RBMS3: variants seen among roughly 807,000 people sequenced by gnomAD.
RBMS3 encodes the protein RNA-binding motif, single-stranded-interacting protein 3.
Under a neutral mutation model 66.8 loss-of-function variants are expected in RBMS3, and 27 were observed. The ratio of observed to expected loss-of-function variants is 0.40; its 90% CI spans 0.30 to 0.56. RBMS3 has a LOEUF of 0.56. RBMS3 is among the 20% of genes least tolerant of loss of function. RBMS3 has a pLI of 0.40. For synonymous variants in RBMS3, 188 were observed against 183.0 expected, an observed-to-expected ratio of 1.03 and a Z score of -0.22; for missense variants, 513 against 549.5, an observed-to-expected ratio of 0.93 and a Z score of 0.66.
intron 1 of RBMS3, among the ~76,000 whole-genome samples, chr3:29,307,493 A>G (rs1304251585): frequency 6.6e-6 from 1 of 151,824 alleles, no homozygotes; most frequent in Non-Finnish European, 1.5e-5. Context: ...TCTAGAGGTC[A>G]GGATTATGTG....
intron 4 of RBMS3, among the ~76,000 whole-genome samples, chr3:29,707,750 C>A (rs2052973218): frequency 6.6e-6 from 1 of 152,170 alleles, no homozygotes; most frequent in South Asian, 2.1e-4. Flanking sequence ...GGGACAATTT[C>A]TTACTGCGTT....
chr3:29,511,107 C>G (rs1260664545), intron 3 of RBMS3, among the ~76,000 whole-genome samples: 2 of 152,074 alleles, frequency 1.3e-5, no homozygotes, highest in African/African-American at 4.8e-5. Context: ...GACCTATTGG[C>G]TAACATGGTG....
chr3:29,603,533 A>G (rs895802909), intron 4 of RBMS3, among the ~76,000 whole-genome samples: 1 of 151,940 alleles, frequency 6.6e-6, no homozygotes, highest in Non-Finnish European at 1.5e-5. Context: ...GAAAATTAAT[A>G]TTGGCATCCA....
chr3:29,502,452 A>G (rs1206145465), intron 3 of RBMS3, among the ~76,000 whole-genome samples: 1 of 152,080 alleles, frequency 6.6e-6, no homozygotes, highest in Non-Finnish European at 1.5e-5. Flanking sequence ...ACAATTAGAC[A>G]CAAGCACAAT....
intron 1 of RBMS3, among the ~76,000 whole-genome samples, chr3:29,337,551 C>T (rs1057467690): frequency 6.6e-6 from 1 of 151,776 alleles, no homozygotes; most frequent in South Asian, 2.1e-4. Flanking sequence ...GAGGCTGAGG[C>T]AAGAGGATTG....
intron 6 of RBMS3, among the ~76,000 whole-genome samples, chr3:29,801,904 G>A (rs576648812): frequency 6.6e-6 from 1 of 152,214 alleles, no homozygotes; most frequent in Admixed American, 6.5e-5. Context: ...ATATTTTGGG[G>A]TTGTTGTGAG....
intron 4 of RBMS3, among the ~76,000 whole-genome samples, chr3:29,664,556 G>GT (rs1043768823): frequency 1.3e-5 from 2 of 151,824 alleles, no homozygotes; most frequent in African/African-American, 4.8e-5. Context: ...TGAAGCAATG[G>GT]TTTTTTATAA....
intron 4 of RBMS3, among the ~76,000 whole-genome samples, chr3:29,735,223 C>T (rs2054324509): frequency 6.6e-6 from 1 of 152,106 alleles, no homozygotes; most frequent in African/African-American, 2.4e-5. Flanking sequence ...TTGTCTTAAA[C>T]TGCTCAAAAG....
chr3:29,516,414 C>A (rs770206621), intron 3 of RBMS3, among the ~76,000 whole-genome samples: 5 of 151,956 alleles, frequency 3.3e-5, no homozygotes, highest in Admixed American at 1.3e-4. Flanking sequence ...TGGCATAAAG[C>A]CTGAAGACTA....
intron 3 of RBMS3, among the ~76,000 whole-genome samples, chr3:29,554,613 A>G (rs1015240414): frequency 2.0e-5 from 3 of 152,230 alleles, no homozygotes; most frequent in Non-Finnish European, 2.9e-5. Context: ...AAAAGACTTC[A>G]TAGAGGAGGA....
At chr3:29,951,564 T>A (rs1015695269) in intron 12 of RBMS3, among the ~76,000 whole-genome samples, 1 of 151,722 alleles carries the variant, frequency 6.6e-6, no homozygotes, top group African/African-American at 2.4e-5. Flanking sequence ...AGGGCGTGAC[T>A]CATGATCGAT....
chr3:29,734,370 C>A (rs553890301), intron 4 of RBMS3, among the ~76,000 whole-genome samples: 3 of 152,034 alleles, frequency 2.0e-5, no homozygotes, highest in African/African-American at 7.2e-5. Flanking sequence ...TAATTTATTG[C>A]ATATTTTTAA....
chr3:29,473,364 T>A (rs1051201337), intron 2 of RBMS3, among the ~76,000 whole-genome samples: 1 of 152,248 alleles, frequency 6.6e-6, no homozygotes, highest in South Asian at 2.1e-4. Flanking sequence ...AGAGTATCGA[T>A]TGGTGCATTC....
intron 4 of RBMS3, among the ~76,000 whole-genome samples, chr3:29,654,714 T>C (rs116229822): frequency 0.014 from 2,071 of 151,542 alleles, 47 homozygotes; most frequent in African/African-American, 0.048. Context: ...CCTCAGCCAC[T>C]AGAGTAGCTG....
chr3:29,966,448 A>C (rs2149748725), intron 12 of RBMS3, among the ~76,000 whole-genome samples: 1 of 152,132 alleles, frequency 6.6e-6, no homozygotes, highest in East Asian at 1.9e-4. Context: ...TATATTCCTA[A>C]GTATTTTTTT....
intron 1 of RBMS3, among the ~76,000 whole-genome samples, chr3:29,376,213 G>A (rs2038456276): frequency 6.9e-6 from 1 of 144,152 alleles, no homozygotes; most frequent in Admixed American, 7.0e-5. Context: ...TGGGAGGAGG[G>A]AGAGCATCAG....
intron 1 of RBMS3, 53 bp downstream of exon 1, chr3:29,281,809 G>A (rs551603619): frequency 1.9e-5 from 28 of 1,460,900 alleles, no homozygotes; most frequent in Non-Finnish European, 1.2e-5. Context: ...CTGCACTTGG[G>A]ATGGGAAACA....
At chr3:29,847,695 G>T (rs538760939) in intron 6 of RBMS3, among the ~76,000 whole-genome samples, 2 of 149,924 alleles carry the variant, frequency 1.3e-5, no homozygotes, top group East Asian at 3.9e-4. Context: ...TCCCTCTGTC[G>T]CCCAGGCTGG....
rs555802705 is a variant in RBMS3, at chr3:29,330,999, A to T, written c.75+49243A>T. Among the ~76,000 whole-genome samples the T allele has an allele frequency of 2.0e-5, 3 of 152,132 alleles. No individual in the cohort carries two copies. In the East Asian group the frequency reaches 5.8e-4, roughly 29 times the overall value. On this transcript the variant is annotated intron_variant, in intron 1 of 14. Coordinates refer to ENST00000383767, the MANE Select transcript of RBMS3 (RefSeq NM_001003793.3). ...ATTGTATTTTTATATTAATGCACTG[A>T]TTTAGGGGCTATGTTGGCATATTTG...
Sources: gnomAD v4.1 joint callset for allele counts (sites outside exome capture counted in the v4.1 genomes callset) on GRCh38, gnomAD v4.1.1 for gene constraint, MANE v1.5 for transcripts, NCBI Gene and HGNC (gene_info 2026-07-23, HGNC 2026-07-21) for gene names.